Variants in TMEM132C observed in about 807,000 individuals in gnomAD.
TMEM132C encodes the protein protein phosphatase 1, regulatory subunit 152.
A neutral mutation model predicts 61.4 loss-of-function variants in TMEM132C; 29 were observed. That is an observed-to-expected ratio of 0.47 (90% CI 0.35 to 0.64). The LOEUF (loss-of-function observed/expected upper bound fraction) is 0.64, where lower values mean the gene tolerates loss of function less well. Among genes scored for constraint, TMEM132C ranks in the 30% least tolerant of loss-of-function variants. The pLI is 0.00. For missense variants in TMEM132C, 1,408 were observed against 1,476.9 expected, an observed-to-expected ratio of 0.95 and a Z score of 0.76; for synonymous variants, 656 against 633.1, an observed-to-expected ratio of 1.04 and a Z score of -0.54.
At chr12:128,336,993 C>T (rs1872806293) in intron 1 of TMEM132C, among the ~76,000 whole-genome samples, 1 of 152,184 alleles carries the variant, frequency 6.6e-6, no homozygotes, top group Non-Finnish European at 1.5e-5. Context: ...TGGCCTCCTT[C>T]CAAGTTGGCA....
chr12:128,543,771 C>T (rs1172225417), intron 2 of TMEM132C, among the ~76,000 whole-genome samples, 186 bp from the exon 3 acceptor site: 1 of 152,090 alleles, frequency 6.6e-6, no homozygotes, highest in Non-Finnish European at 1.5e-5. Context: ...ACTGCCTTAT[C>T]CACAGGCAGA....
chr12:128,361,272 G>A (rs926184118), intron 1 of TMEM132C, among the ~76,000 whole-genome samples: 1 of 152,208 alleles, frequency 6.6e-6, no homozygotes, highest in African/African-American at 2.4e-5. Flanking sequence ...GTGGGTGGAT[G>A]CAACTGAAAT....
At chr12:128,658,102 CCACAAGGCAGGAGCAGGGACGCAG>C (rs1316200002) in intron 4 of TMEM132C, among the ~76,000 whole-genome samples, 50 of 119,414 alleles carry the variant, frequency 4.2e-4, no homozygotes, top group African/African-American at 1.1e-3. Flanking sequence ...CCCATGGAGG[CCACAAGGCAGGAGCAGGGACGCAG>C]CTCCCATGGA....
At chr12:128,375,887 G>A (rs2135985903) in intron 1 of TMEM132C, among the ~76,000 whole-genome samples, 1 of 152,312 alleles carries the variant, frequency 6.6e-6, no homozygotes, top group African/African-American at 2.4e-5. Context: ...ATCCAGGGTG[G>A]CCACTGGGTC....
At chr12:128,591,205 C>T (rs148536952) in intron 3 of TMEM132C, among the ~76,000 whole-genome samples, 28 of 152,264 alleles carry the variant, frequency 1.8e-4, no homozygotes, top group African/African-American at 6.7e-4. Context: ...TCACCACAAT[C>T]AATTTTAGAA....
intron 5 of TMEM132C, among the ~76,000 whole-genome samples, chr12:128,689,365 C>T (rs925702704): frequency 3.9e-5 from 6 of 152,002 alleles, no homozygotes; most frequent in Admixed American, 2.0e-4. Flanking sequence ...TTTATCATAT[C>T]GTGCAATAAA....
chr12:128,636,107 G>A (rs1954101030), intron 4 of TMEM132C, among the ~76,000 whole-genome samples: 1 of 151,976 alleles, frequency 6.6e-6, no homozygotes, highest in African/African-American at 2.4e-5. Flanking sequence ...CTGGAGTGCA[G>A]TAGCACGATC....
intron 4 of TMEM132C, among the ~76,000 whole-genome samples, chr12:128,643,166 A>T (rs1238933314): frequency 6.6e-6 from 1 of 152,316 alleles, no homozygotes; most frequent in Admixed American, 6.5e-5. Context: ...TTTGTCCAAT[A>T]TGTCAGTAAC....
Position 128,705,758 on chromosome 12 carries a change from C to G in TMEM132C, c.2790C>G (p.Leu930=), listed in dbSNP as rs1365455620. The G allele has an allele frequency of 1.3e-6, 2 of 1,551,392 alleles. No homozygotes were observed. The highest frequency in any genetic ancestry group is 8.7e-7 in the Non-Finnish European group (1 of 1,147,032). ...ATCTGGAGATAGGGATGTACGCCCT[C>G]CTGGGGGTGTTCTGCCTGGCCATCC... is the stretch of plus-strand genomic sequence containing the variant. ...LSDLEIGMYA[L]LGVFCLAILV... The change falls in exon 9 of 9, where the codon CTC becomes CTG. Residue 930 remains leucine, a synonymous_variant. Coordinates refer to ENST00000435159, the MANE Select transcript of TMEM132C (RefSeq NM_001136103.3).
At chr12:128,571,009 C>T (rs1373695874) in intron 3 of TMEM132C, among the ~76,000 whole-genome samples, 2 of 152,156 alleles carry the variant, frequency 1.3e-5, no homozygotes, top group African/African-American at 4.8e-5. Flanking sequence ...AGGGAAGCAA[C>T]CAACAGTGGC....
chr12:128,548,642 C>T (rs1874047096), intron 3 of TMEM132C, among the ~76,000 whole-genome samples: 1 of 152,104 alleles, frequency 6.6e-6, no homozygotes, highest in South Asian at 2.1e-4. Flanking sequence ...AGGATGTGGA[C>T]AAATTTGTCA....
At chr12:128,619,152 G>A (rs1318930892) in intron 4 of TMEM132C, among the ~76,000 whole-genome samples, 1 of 152,228 alleles carries the variant, frequency 6.6e-6, no homozygotes, top group African/African-American at 2.4e-5. Flanking sequence ...TTAGCAGCCA[G>A]TGAGACAGCT....
chr12:128,463,627 C>T lies in TMEM132C; in HGVS notation c.974+48007C>T, dbSNP rs150464428. ...ACCCACCTCGCCCAGCCCATGCTTC[C>T]GTTTTCTTATTGAAGCATGTCCCTG... On this transcript the variant is annotated intron_variant, in intron 2 of 8. Transcript: ENST00000435159. Among the ~76,000 whole-genome samples the T allele has an allele frequency of 1.3e-3, 192 of 152,162 alleles. 1 individual carries two copies. Among genetic ancestry groups the T allele is most frequent in the African/African-American group, 4.5e-3 (187 of 41,522 alleles).
chr12:128,547,418 G>A (rs1312418606), intron 3 of TMEM132C, among the ~76,000 whole-genome samples: 1 of 148,512 alleles, frequency 6.7e-6, no homozygotes, highest in Admixed American at 6.7e-5. Flanking sequence ...AAAAAAATTA[G>A]CCGGGCGTGG....
intron 1 of TMEM132C, among the ~76,000 whole-genome samples, chr12:128,382,746 T>C (rs975092783): frequency 1.3e-5 from 2 of 152,242 alleles, no homozygotes; most frequent in Non-Finnish European, 2.9e-5. Context: ...CTTTCTCCTA[T>C]TGACAGAAGA....
intron 1 of TMEM132C, among the ~76,000 whole-genome samples, chr12:128,323,749 C>T (rs777957100): frequency 9.2e-5 from 14 of 152,144 alleles, no homozygotes; most frequent in Admixed American, 3.3e-4. Flanking sequence ...TGGAGGGAGC[C>T]GGGAAGCAGC....
chr12:128,449,961 G>A (rs1021287111), intron 2 of TMEM132C, among the ~76,000 whole-genome samples: 8 of 152,212 alleles, frequency 5.3e-5, no homozygotes, highest in Non-Finnish European at 7.3e-5. Flanking sequence ...CAAGACCTAT[G>A]AAGATTTGAC....
intron 2 of TMEM132C, among the ~76,000 whole-genome samples, chr12:128,485,872 T>C (rs1871475699): frequency 6.6e-6 from 1 of 152,146 alleles, no homozygotes; most frequent in African/African-American, 2.4e-5. Context: ...CTTTCCCTTC[T>C]TCCTCCTCCT....
At chr12:128,339,602 G>C (rs1243930114) in intron 1 of TMEM132C, among the ~76,000 whole-genome samples, 1 of 151,440 alleles carries the variant, frequency 6.6e-6, no homozygotes, top group Non-Finnish European at 1.5e-5. Context: ...TCTTTCCACA[G>C]CTGCGTTGAG....
Sources: allele counts gnomAD v4.1 joint callset (sites outside exome capture counted in the v4.1 genomes callset), GRCh38; gene constraint gnomAD v4.1.1; transcripts MANE v1.5; gene names NCBI Gene and HGNC (gene_info 2026-07-23, HGNC 2026-07-21).